TMEM165: variants seen among roughly 807,000 people sequenced by gnomAD.
TMEM165 encodes the protein putative divalent cation/proton antiporter TMEM165.
TMEM165 carries 19 observed loss-of-function variants against 30.0 expected under a neutral mutation model. That is an observed-to-expected ratio of 0.63 (90% CI 0.44 to 0.93). TMEM165 has a LOEUF of 0.93. TMEM165 is among the 40% of genes least tolerant of loss of function. The pLI is 0.00. For missense variants in TMEM165, 340 were observed against 417.0 expected (o/e 0.82, Z 1.61); for synonymous variants, 168 against 162.9 (o/e 1.03, Z -0.24).
chr4:55,422,040 A>T (rs1560397728), intron 4 of TMEM165, among the ~76,000 whole-genome samples: 1 of 152,172 alleles, frequency 6.6e-6, no homozygotes, highest in Non-Finnish European at 1.5e-5. Flanking sequence ...TACTTAGCCC[A>T]TGGGAACCCA....
intron 4 of TMEM165, chr4:55,418,272 A>G (rs1721822151): frequency 6.9e-6 from 2 of 289,950 alleles, no homozygotes; most frequent in Non-Finnish European, 1.3e-5. Flanking sequence ...TGGTTTTCTT[A>G]TCATAGAACT....
At chr4:55,427,162 T>C (rs1722246228), downstream of TMEM165, among the ~76,000 whole-genome samples, 1 of 150,672 alleles carries the variant, frequency 6.6e-6, no homozygotes, top group Non-Finnish European at 1.5e-5. Context: ...GCCTCCCGAG[T>C]AGCTGGGATT....
downstream of TMEM165, among the ~76,000 whole-genome samples, chr4:55,427,161 G>A (rs1292433440): frequency 4.0e-5 from 6 of 151,422 alleles, no homozygotes; most frequent in Admixed American, 2.6e-4. Context: ...AGCCTCCCGA[G>A]TAGCTGGGAT....
rs527472410 is a variant in TMEM165 at position 55,417,984 on chromosome 4, A to G, written c.791A>G (p.Glu264Gly). Residue 264 changes from glutamate (E) to glycine (G), a missense_variant and splice_region_variant, in exon 4 of 6, where the codon GAG (glutamate) becomes GGG (glycine). Coordinates refer to ENST00000381334, the MANE Select transcript of TMEM165 (RefSeq NM_018475.5). The part of the protein sequence containing the change: ...QLTTIVLAAR[E>G]DPYGVAVGGT... Reference sequence around the variant, plus strand: ...ACTACAATTGTATTGGCAGCTAGAGAGGTGAGTGATATTTGAGAGGAGACT... The same window carrying G: ...ACTACAATTGTATTGGCAGCTAGAGGGGTGAGTGATATTTGAGAGGAGACT... The G allele has an allele frequency of 6.2e-7, 1 of 1,603,076 alleles. No individual in the cohort carries two copies. Among genetic ancestry groups the G allele is most frequent in the South Asian group, 1.1e-5 (1 of 88,526 alleles).
intron 3 of TMEM165, among the ~76,000 whole-genome samples, chr4:55,437,247 C>A (rs955008271): frequency 6.6e-6 from 1 of 152,024 alleles, no homozygotes; most frequent in African/African-American, 2.4e-5. Flanking sequence ...TATATTTATG[C>A]CTGAATATAG....
Position 55,411,500 on chromosome 4 carries a change from A to G in TMEM165, c.208-114A>G, listed in dbSNP as rs531189947. The G allele has an allele frequency of 2.1e-3, 1,861 of 891,040 alleles. 1 individual carries two copies. The highest frequency in any genetic ancestry group is 4.5e-3 in the Admixed American group (171 of 38,142). 55.2% of individuals were successfully genotyped at this position (891,040 alleles called of 1,614,324 possible). On this transcript the variant is annotated intron_variant, in intron 1 of 5. Transcript: ENST00000381334. ...GGCTTTCAGAGTGATTAGACAGTAA[A>G]TAAGTGTAATGACCATGACAAGAAA... is the stretch of plus-strand genomic sequence containing the variant.
chr4:55,435,074 T>C, intron 3 of TMEM165: 1 of 345,652 alleles, frequency 2.9e-6, no homozygotes, highest in Non-Finnish European at 5.6e-6. Context: ...CACTAAAAGT[T>C]ACTAACATCA....
At chr4:55,397,631 C>CTTTCCTTTCCTCTCCTTTCTCCTT (rs1249784798) in intron 1 of TMEM165, among the ~76,000 whole-genome samples, 2 of 151,914 alleles carry the variant, frequency 1.3e-5, no homozygotes, top group Admixed American at 6.6e-5. Flanking sequence ...CTTTCCTTTC[C>CTTTCCTTTCCTCTCCTTTCTCCTT]TTTCCTTTCC....
chr4:55,442,517 T>G, intron 3 of TMEM165: 1 of 1,609,806 alleles, frequency 6.2e-7, no homozygotes, highest in South Asian at 1.1e-5. Context: ...TGGACCATGC[T>G]TCCGGCTGCA....
intron 3 of TMEM165, among the ~76,000 whole-genome samples, chr4:55,437,133 T>C (rs1207656369): frequency 6.6e-6 from 1 of 152,218 alleles, no homozygotes; most frequent in African/African-American, 2.4e-5. Flanking sequence ...TCTAAAAGAC[T>C]GTATGACTCT....
At chr4:55,449,174 A>T (rs1197412612) in intron 3 of TMEM165, among the ~76,000 whole-genome samples, 1 of 149,468 alleles carries the variant, frequency 6.7e-6, no homozygotes, top group Non-Finnish European at 1.5e-5. Context: ...CCACAATTAA[A>T]AAAAAAAAAA....
intron 1 of TMEM165, among the ~76,000 whole-genome samples, 178 bp downstream of exon 1, chr4:55,396,574 C>A (rs3087606): frequency 6.6e-6 from 1 of 152,022 alleles, no homozygotes; most frequent in African/African-American, 2.4e-5. Flanking sequence ...CTGGTCTTGC[C>A]CGCTCCTTTA....
chr4:55,406,589 C>T (rs1721276487), intron 1 of TMEM165, among the ~76,000 whole-genome samples: 1 of 152,154 alleles, frequency 6.6e-6, no homozygotes, highest in African/African-American at 2.4e-5. Context: ...TCTTTTAGCT[C>T]TATAATATTC....
chr4:55,418,896 T>G (rs576998843), intron 4 of TMEM165, among the ~76,000 whole-genome samples: 1 of 151,854 alleles, frequency 6.6e-6, no homozygotes, highest in East Asian at 1.9e-4. Context: ...AATACAAAAA[T>G]TAGCCGGGCA....
intron 1 of TMEM165, 75 bp from the exon 2 acceptor site, chr4:55,411,539 C>A: frequency 7.3e-7 from 1 of 1,377,302 alleles, no homozygotes; most frequent in Non-Finnish European, 9.9e-7. Context: ...TTCAAAAAAA[C>A]TAAATCTTAT....
Position 55,443,695 on chromosome 4 carries a change from A to T in TMEM165, c.409-8544A>T, listed in dbSNP as rs539427253. On this transcript the variant is annotated intron_variant, in intron 3 of 3. Coordinates refer to the TMEM165 transcript ENST00000608091. ...GTGCTCAGTAACATTACCTGAGTTG[A>T]TGTACTCTGTAAAGTCTGTTGTTGT... 1.1e-5 allele frequency: 17 copies of T among 1,613,562 alleles called. No individual in the cohort carries two copies. In the African/African-American group the frequency reaches 1.6e-4, roughly 15 times the overall value.
intron 3 of TMEM165, among the ~76,000 whole-genome samples, chr4:55,446,101 C>CTTTTT (rs766235766): frequency 4.7e-5 from 5 of 107,370 alleles, no homozygotes; most frequent in Admixed American, 2.0e-4. Context: ...AATTTAACTT[C>CTTTTT]TTTTTTTTTT....
exon 4 of TMEM165, chr4:55,452,888 G>T (rs976094174): frequency 5.6e-6 from 3 of 534,316 alleles, no homozygotes; most frequent in Non-Finnish European, 9.8e-6. Flanking sequence ...AGGCAGGTGA[G>T]ACTCTAAAAT....
chr4:55,413,418 G>A (rs1228546293), intron 2 of TMEM165, among the ~76,000 whole-genome samples: 15 of 152,140 alleles, frequency 9.9e-5, no homozygotes, highest in Admixed American at 8.5e-4. Context: ...AGGCTCAGGC[G>A]ATTTTCCTGC....
Sources: gnomAD v4.1 joint callset for allele counts (sites outside exome capture counted in the v4.1 genomes callset) on GRCh38, gnomAD v4.1.1 for gene constraint, MANE v1.5 for transcripts, NCBI Gene and HGNC (gene_info 2026-07-23, HGNC 2026-07-21) for gene names.